The following KCTD8 variants were observed in gnomAD, a reference collection of about 807,000 sequenced individuals.
The protein encoded by KCTD8 is BTB/POZ domain-containing protein KCTD8.
In KCTD8, 27 loss-of-function variants were observed where a neutral mutation model predicts 31.5. That is an observed-to-expected ratio of 0.86 (90% CI 0.63 to 1.18). KCTD8 has a LOEUF of 1.18. Ranked by LOEUF, KCTD8 falls within the 50% of genes most tolerant of loss-of-function variation. The pLI, the probability that KCTD8 is intolerant of heterozygous loss-of-function variation, is 0.00. For synonymous variants in KCTD8, 290 were observed against 280.0 expected (o/e 1.04, Z -0.36); for missense variants, 658 against 647.7 (o/e 1.02, Z -0.17).
chr4:44,414,602 T>G (rs1721031153), intron 1 of KCTD8, among the ~76,000 whole-genome samples: 2 of 152,198 alleles, frequency 1.3e-5, no homozygotes, highest in South Asian at 4.1e-4. Flanking sequence ...TCCTGCAGTC[T>G]GGTATCCAGC....
At chr4:44,337,568 GGAGGCT>G (rs1718781341) in intron 1 of KCTD8, among the ~76,000 whole-genome samples, 1 of 151,816 alleles carries the variant, frequency 6.6e-6, no homozygotes, top group South Asian at 2.1e-4. Flanking sequence ...CAGCTACTCA[GGAGGCT>G]GAGGCAGAAG....
In KCTD8 at chr4:44,212,884, T is replaced by G. The variant is rs147340020; in HGVS notation, c.962-37634A>C. On this transcript the variant is annotated intron_variant, in intron 1 of 1. Coordinates refer to ENST00000360029, the MANE Select transcript of KCTD8 (RefSeq NM_198353.3). ...CAACATCTCATCTTTTCATTTTTAC[T>G]TTGTTTCACTTTTCCTTTGCATTCA... Among the ~76,000 whole-genome samples the G allele has an allele frequency of 7.9e-5, 12 of 152,268 alleles. No homozygotes were observed. In the East Asian group the frequency reaches 2.3e-3, roughly 29 times the overall value.
chr4:44,392,502 T>C (rs939542908), intron 1 of KCTD8, among the ~76,000 whole-genome samples: 1 of 151,988 alleles, frequency 6.6e-6, no homozygotes, highest in Non-Finnish European at 1.5e-5. Context: ...TCAAAACTTA[T>C]TTAAAAGGTG....
At chr4:44,248,940 G>T (rs1715747246) in intron 1 of KCTD8, among the ~76,000 whole-genome samples, 1 of 151,716 alleles carries the variant, frequency 6.6e-6, no homozygotes, top group South Asian at 2.1e-4. Flanking sequence ...TGCATTCAGG[G>T]TCTAATTAGC....
chr4:44,175,382 A>G, intron 1 of KCTD8, 132 bp from the exon 2 acceptor site: 1 of 575,208 alleles, frequency 1.7e-6, no homozygotes. Flanking sequence ...TGCATATTGT[A>G]CTAGTCTAGG....
chr4:44,282,239 T>G (rs940733944), intron 1 of KCTD8, among the ~76,000 whole-genome samples: 2 of 152,110 alleles, frequency 1.3e-5, no homozygotes, highest in Non-Finnish European at 2.9e-5. Context: ...CTGTGTCACA[T>G]GTTCGTCATT....
At chr4:44,428,389 G>A (rs940394348) in intron 1 of KCTD8, among the ~76,000 whole-genome samples, 8 of 151,530 alleles carry the variant, frequency 5.3e-5, no homozygotes, top group Admixed American at 5.3e-4. Context: ...AAAGAGAAGT[G>A]GCGTAGAAGT....
chr4:44,178,370 G>C (rs1218441496), intron 1 of KCTD8, among the ~76,000 whole-genome samples: 1 of 152,106 alleles, frequency 6.6e-6, no homozygotes, highest in African/African-American at 2.4e-5. Flanking sequence ...GCCGGGAGTG[G>C]TGGAGGAGAT....
At chr4:44,213,464 G>A (rs941831869) in intron 1 of KCTD8, among the ~76,000 whole-genome samples, 1 of 152,032 alleles carries the variant, frequency 6.6e-6, no homozygotes, top group Non-Finnish European at 1.5e-5. Flanking sequence ...TGTTTCTTCT[G>A]TTTGTTAAAA....
chr4:44,201,749 T>G (rs2109339460), intron 1 of KCTD8, among the ~76,000 whole-genome samples: 1 of 152,224 alleles, frequency 6.6e-6, no homozygotes, highest in Middle Eastern at 3.4e-3. Context: ...GGCAACAAAT[T>G]TTTTAAGGCC....
intron 1 of KCTD8, among the ~76,000 whole-genome samples, chr4:44,415,132 T>C (rs868308393): frequency 6.6e-6 from 1 of 152,144 alleles, no homozygotes; most frequent in African/African-American, 2.4e-5. Context: ...CCTGGCTGCA[T>C]TGTGTTCATG....
At chr4:44,317,281 G>C (rs1384058918) in intron 1 of KCTD8, among the ~76,000 whole-genome samples, 1 of 90,496 alleles carries the variant, frequency 1.1e-5, no homozygotes, top group African/African-American at 5.1e-5. Context: ...CGCCCAGGCC[G>C]GACTGCGGAC....
At chr4:44,187,591 T>A (rs1446563581) in intron 1 of KCTD8, among the ~76,000 whole-genome samples, 1 of 152,236 alleles carries the variant, frequency 6.6e-6, no homozygotes, top group African/African-American at 2.4e-5. Context: ...ATGACCTTCT[T>A]TTTTACAAGT....
chr4:44,262,722 C>A (rs1716218873), intron 1 of KCTD8, among the ~76,000 whole-genome samples: 1 of 152,000 alleles, frequency 6.6e-6, no homozygotes, highest in Admixed American at 6.6e-5. Flanking sequence ...TTATGTTTCT[C>A]CCTCATTGGG....
At chr4:44,434,861 C>A (rs1043774623) in intron 1 of KCTD8, among the ~76,000 whole-genome samples, 2 of 152,008 alleles carry the variant, frequency 1.3e-5, no homozygotes. Context: ...CAAGGAATTT[C>A]TCTGAGGAGT....
chr4:44,401,984 T>C (rs186634020), intron 1 of KCTD8, among the ~76,000 whole-genome samples: 1 of 152,310 alleles, frequency 6.6e-6, no homozygotes, highest in African/African-American at 2.4e-5. Context: ...GAAGTATAAG[T>C]TAATCCAATA....
intron 1 of KCTD8, among the ~76,000 whole-genome samples, chr4:44,308,684 C>T (rs1717871965): frequency 6.6e-6 from 1 of 151,922 alleles, no homozygotes; most frequent in Admixed American, 6.6e-5. Context: ...TATGGCTTCT[C>T]TCTTAACAAA....
chr4:44,177,918 T>G (rs956598647), intron 1 of KCTD8, among the ~76,000 whole-genome samples: 1 of 152,204 alleles, frequency 6.6e-6, no homozygotes, highest in African/African-American at 2.4e-5. Context: ...TTCCTGGGTT[T>G]CTGATAGATC....
intron 1 of KCTD8, among the ~76,000 whole-genome samples, chr4:44,345,088 G>T (rs1719004189): frequency 6.6e-6 from 1 of 152,086 alleles, no homozygotes; most frequent in Non-Finnish European, 1.5e-5. Context: ...AGCCTGAATA[G>T]ACAGTTTCTT....
Sources: gnomAD v4.1 joint callset for allele counts (sites outside exome capture counted in the v4.1 genomes callset) on GRCh38, gnomAD v4.1.1 for gene constraint, MANE v1.5 for transcripts, NCBI Gene and HGNC (gene_info 2026-07-23, HGNC 2026-07-21) for gene names.